The following FUT5 variants were observed in gnomAD, a reference collection of about 807,000 sequenced individuals.
The protein encoded by FUT5 is fucosyltransferase 5.
In FUT5, 1 loss-of-function variant was observed where a neutral mutation model predicts 0.8. The observed-to-expected ratio is 1.26, with a 90% CI of 0.45 to 5.99. The LOEUF (loss-of-function observed/expected upper bound fraction) is 5.99. Among genes scored for constraint, FUT5 ranks in the 30% most tolerant of loss-of-function variants. The pLI, the probability that FUT5 is intolerant of heterozygous loss-of-function variation, is 0.15. For missense variants in FUT5, 437 were observed against 517.8 expected (o/e 0.84, Z 1.51); for synonymous variants, 212 against 225.7 (o/e 0.94, Z 0.54).
In FUT5 at chr19:5,867,309, C is replaced by T. The variant is rs370088810; in HGVS notation, c.417G>A (p.Arg139=). The change falls in exon 2 of 2, where the codon AGG becomes AGA. Residue 139 remains arginine, a synonymous_variant. Coordinates refer to ENST00000588525, the MANE Select transcript of FUT5 (RefSeq NM_002034.2). This position sits in a 1 kb window ranked among gnomAD's most constrained non-coding sequence, Gnocchi z 5.0. ...ACCAGATCCAGCGCTGCCCCTGCGG[C>T]CTGGTGGGGGGCGGGAGGTTGGCAC... ...NPSANLPPPT[R]PQGQRWIWFS... 7 of 1,613,520 alleles carry T rather than the reference C, an allele frequency of 4.3e-6. No individual in the cohort carries two copies. The African/African-American group carries it at 6.7e-5, about 15-fold the overall frequency.
intron 1 of FUT5, among the ~76,000 whole-genome samples, chr19:5,870,224 C>G (rs979098208): frequency 2.0e-5 from 3 of 151,812 alleles, no homozygotes; most frequent in Non-Finnish European, 4.4e-5. Flanking sequence ...TGGCCTATTG[C>G]TGGGAAATTG....
rs2057502128 is a variant in FUT5, at chr19:5,866,157, G to C, written c.*444C>G. On this transcript the variant is annotated 3_prime_UTR_variant, in exon 2 of 2. Transcript: ENST00000588525. This position sits in a 1 kb window ranked among gnomAD's most constrained non-coding sequence, Gnocchi z 4.9. Reference sequence around the variant, plus strand: ...AGGGGACCCTGCCCTTCCCTGACCTGCCCTGCACACCTTGGGCAACACATC... The same window carrying C: ...AGGGGACCCTGCCCTTCCCTGACCTCCCCTGCACACCTTGGGCAACACATC... 3.0e-6 allele frequency: 1 copy of C among 329,706 alleles called. No homozygotes were observed. Among genetic ancestry groups the C allele is most frequent in the South Asian group, 2.8e-5 (1 of 36,248 alleles). The allele number at this position is 329,706 out of a possible 1,614,324, so 20.4% of individuals were successfully genotyped here. A position where few individuals can be genotyped will look rare whatever the true frequency, so the allele number is the denominator to read the frequency against.
chr19:5,867,279 G>A lies in FUT5; in HGVS notation c.447C>T (p.Ser149=). 1.2e-6 allele frequency: 2 copies of A among 1,613,460 alleles called. No homozygotes were observed. Among genetic ancestry groups the A allele is most frequent in the Non-Finnish European group, 1.7e-6 (2 of 1,180,028 alleles). The change falls in exon 2 of 2, where the codon AGC becomes AGT. Residue 149 remains serine, a synonymous_variant. Coordinates refer to ENST00000588525, the MANE Select transcript of FUT5 (RefSeq NM_002034.2). This position sits in a 1 kb window ranked among gnomAD's most constrained non-coding sequence, Gnocchi z 5.0. The stretch of plus-strand genomic sequence containing the variant: ...GCCGGCAGTTGCTGGGGGACTCCAT[G>A]CTGAACCAGATCCAGCGCTGCCCCT... The part of the protein sequence containing the change: ...RPQGQRWIWF[S]MESPSNCRHL...
chr19:5,866,967 C>T lies in FUT5; in HGVS notation c.759G>A (p.Arg253=). 1.2e-6 allele frequency: 2 copies of T among 1,613,570 alleles called. No homozygotes were observed. The highest frequency in any genetic ancestry group is 1.7e-6 in the Non-Finnish European group (2 of 1,179,784). The part of the protein sequence containing the change: ...PKGTMMETLS[R]YKFYLAFENS... ...TCTCGAAGGCCAGATAGAACTTGTA[C>T]CGGGACAGCGTCTCCATCATGGTCC... Residue 253 remains arginine, a synonymous_variant, in exon 2 of 2, where the codon CGG becomes CGA. Transcript: ENST00000588525. This position sits in a 1 kb window ranked among gnomAD's most constrained non-coding sequence, Gnocchi z 4.9.
rs571467519 is a variant in FUT5, at chr19:5,866,874, G to C, written c.852C>G (p.Pro284=). Residue 284 remains proline, a synonymous_variant, in exon 2 of 2, where the codon CCC becomes CCG. Coordinates refer to ENST00000588525, the MANE Select transcript of FUT5 (RefSeq NM_002034.2). The surrounding 1 kb of genome is among the most constrained non-coding windows in gnomAD (Gnocchi z 4.9). ...TGCTTCTGCTGGGGCCCAGCACCAC[G>C]GGCACGGCCCAGGCCTCCAGGGCGT... ...WRNALEAWAV[P]VVLGPSRSNY... The C allele has an allele frequency of 8.4e-5, 136 of 1,610,920 alleles. No homozygotes were observed. The African/African-American group carries it at 1.7e-3, about 20-fold the overall frequency.
intron 1 of FUT5, among the ~76,000 whole-genome samples, chr19:5,868,546 T>C (rs546345979): frequency 1.3e-5 from 2 of 152,234 alleles, no homozygotes; most frequent in South Asian, 4.1e-4. Flanking sequence ...TTAAAAAAAA[T>C]TTTATAGGCC....
Position 5,866,458 on chromosome 19 carries a change from GC to G in FUT5, c.*142del. 1 of 1,303,804 alleles carries G rather than the reference GC, an allele frequency of 7.7e-7. No homozygotes were observed. The highest frequency in any genetic ancestry group is 1.1e-6 in the Non-Finnish European group (1 of 916,662). The allele number at this position is 1,303,804 out of a possible 1,614,324, so 80.8% of individuals were successfully genotyped here. On this transcript the variant is annotated 3_prime_UTR_variant, in exon 2 of 2. Coordinates refer to ENST00000588525, the MANE Select transcript of FUT5 (RefSeq NM_002034.2). The surrounding 1 kb of genome is among the most constrained non-coding windows in gnomAD (Gnocchi z 4.9). ...GCCACCAAAGACTCCAGCAGGTGAG[GC>G]CCCAGGCAGGTGAGACCCCAGGCAG...
chr19:5,867,043 G>A lies in FUT5; in HGVS notation c.683C>T (p.Ala228Val), dbSNP rs145832499. The part of the protein sequence containing the change: ...ARVRYYQSLQ[A>V]HLKVDVYGRS... The stretch of plus-strand genomic sequence containing the variant: ...TCCGTACACGTCCACCTTGAGATGA[G>A]CCTGCAGGCTCTGGTAGTAGCGCAC... The change falls in exon 2 of 2, where the codon GCT (alanine) becomes GTT (valine). Residue 228 changes from alanine (A) to valine (V), a missense_variant. Ala to Val is a moderately conservative substitution (Grantham distance 64). Transcript: ENST00000588525. This position sits in a 1 kb window ranked among gnomAD's most constrained non-coding sequence, Gnocchi z 5.0. The A allele has an allele frequency of 8.6e-5, 138 of 1,613,602 alleles. No individual in the cohort carries two copies. In the African/African-American group the frequency reaches 1.6e-3, roughly 18 times the overall value.
rs2144919445 is a variant in FUT5, at chr19:5,866,992, C to A, written c.734G>T (p.Gly245Val). 6.2e-7 allele frequency: 1 copy of A among 1,613,682 alleles called. No homozygotes were observed. Among genetic ancestry groups the A allele is most frequent in the Non-Finnish European group, 8.5e-7 (1 of 1,179,826 alleles). The change falls in exon 2 of 2, where the codon GGG (glycine) becomes GTG (valine). Residue 245 changes from glycine (G) to valine (V), a missense_variant. Transcript: ENST00000588525. This position sits in a 1 kb window ranked among gnomAD's most constrained non-coding sequence, Gnocchi z 4.9. ...CCGGGACAGCGTCTCCATCATGGTC[C>A]CCTTGGGCAGGGGCTTGTGGGAGCG... ...YGRSHKPLPK[G>V]TMMETLSRYK...
Position 5,867,761 on chromosome 19 carries a change from G to A in FUT5, c.-12-24C>T, listed in dbSNP as rs753169825. 1.9e-6 allele frequency: 3 copies of A among 1,609,664 alleles called. No homozygotes were observed. In the African/African-American group the frequency reaches 4.0e-5, roughly 22 times the overall value. ...AGCTGGGAAGAGAGGAGAGAGGAGT[G>A]AGGGTCATTAAGGAAGATCACCCAC... On this transcript the variant is annotated intron_variant, in intron 1 of 1. Coordinates refer to ENST00000588525, the MANE Select transcript of FUT5 (RefSeq NM_002034.2). The surrounding 1 kb of genome is among the most constrained non-coding windows in gnomAD (Gnocchi z 5.0).
chr19:5,867,338 G>C lies in FUT5; in HGVS notation c.388C>G (p.Pro130Ala). The C allele has an allele frequency of 6.2e-7, 1 of 1,613,888 alleles. No individual in the cohort carries two copies. Among genetic ancestry groups the C allele is most frequent in the South Asian group, 1.1e-5 (1 of 91,082 alleles). Residue 130 changes from proline (P) to alanine (A), a missense_variant, in exon 2 of 2, where the codon CCC becomes GCC. Pro to Ala is a conservative substitution (Grantham distance 27). This residue lies in a region of FUT5 where 261 missense variants were observed against 242.6 expected (regional missense o/e 1.08). Transcript: ENST00000588525. This position sits in a 1 kb window ranked among gnomAD's most constrained non-coding sequence, Gnocchi z 5.0. The part of the protein sequence containing the change: ...IVHHWDIMYN[P>A]SANLPPPTRP... ...GTGGGGGGCGGGAGGTTGGCACTGG[G>C]GTTGTACATGATATCCCAGTGGTGC...
Position 5,866,431 on chromosome 19 carries a change from TG to T in FUT5, c.*169del. ...TGAAATCCCAGGTAAGTCACATGCC[TG>T]GCCACCAAAGACTCCAGCAGGTGAG... On this transcript the variant is annotated 3_prime_UTR_variant, in exon 2 of 2. Transcript: ENST00000588525. This position sits in a 1 kb window ranked among gnomAD's most constrained non-coding sequence, Gnocchi z 4.9. 9.2e-7 allele frequency: 1 copy of T among 1,083,040 alleles called. No homozygotes were observed. Among genetic ancestry groups the T allele is most frequent in the Non-Finnish European group, 1.4e-6 (1 of 732,410 alleles). 67.1% of individuals were successfully genotyped at this position (1,083,040 alleles called of 1,614,324 possible). A position where few individuals can be genotyped will look rare whatever the true frequency, so the allele number is the denominator to read the frequency against.
chr19:5,868,972 CA>C (rs946432704), intron 1 of FUT5, among the ~76,000 whole-genome samples: 3 of 152,016 alleles, frequency 2.0e-5, no homozygotes, highest in African/African-American at 7.2e-5. Flanking sequence ...AGGCAAGCGC[CA>C]CCATGCCCAG....
chr19:5,867,089 A>G lies in FUT5; in HGVS notation c.637T>C (p.Trp213Arg). Residue 213 changes from tryptophan to arginine, a missense_variant, in exon 2 of 2, where the codon TGG becomes CGG. Transcript: ENST00000588525. The surrounding 1 kb of genome is among the most constrained non-coding windows in gnomAD (Gnocchi z 5.0). ...TELVAWAVSNWKPDSARVRYY... is the reference protein window; with the variant it reads ...TELVAWAVSNRKPDSARVRYY... ...CGCACCCTGGCCGAGTCCGGCTTCC[A>G]GTTGGACACCGCCCAGGCCACCAGC... 4 of 1,613,312 alleles carry G rather than the reference A, an allele frequency of 2.5e-6. No individual in the cohort carries two copies. The highest frequency in any genetic ancestry group is 3.4e-6 in the Non-Finnish European group (4 of 1,179,858).
chr19:5,870,201 G>C (rs1338308847), intron 1 of FUT5, among the ~76,000 whole-genome samples: 1 of 151,184 alleles, frequency 6.6e-6, no homozygotes, highest in Non-Finnish European at 1.5e-5. Flanking sequence ...GAGTCACCGT[G>C]AGCCACTGTG....
At position 5,866,643 on chromosome 19, in the gene FUT5, A is replaced by G. The variant is rs778983; in HGVS notation, c.1083T>C (p.Ser361=). The change falls in exon 2 of 2, where the codon TCT becomes TCC. Residue 361 remains serine, a synonymous_variant. Coordinates refer to ENST00000588525, the MANE Select transcript of FUT5 (RefSeq NM_002034.2). This position sits in a 1 kb window ranked among gnomAD's most constrained non-coding sequence, Gnocchi z 4.9. ...CTATGCTGCGCACCGTCTGGTACCTAGATTCCTGCTGCAGCTTCCAGCAGG... is the reference window on the plus strand; with the variant it reads ...CTATGCTGCGCACCGTCTGGTACCTGGATTCCTGCTGCAGCTTCCAGCAGG... ...CKACWKLQQE[S]RYQTVRSIAA... is the part of the protein sequence containing the mutation. 1,288,097 of 1,612,402 alleles carry G rather than the reference A, an allele frequency of 0.8. 515,588 individuals carry two copies. Among genetic ancestry groups the G allele is most frequent in the East Asian group, 0.9 (40,346 of 44,840 alleles).
At position 5,866,508 on chromosome 19, in the gene FUT5, C is replaced by A; in HGVS notation, c.*93G>T. The A allele has an allele frequency of 6.2e-7, 1 of 1,602,832 alleles. No individual in the cohort carries two copies. Among genetic ancestry groups the A allele is most frequent in the Non-Finnish European group, 8.5e-7 (1 of 1,173,544 alleles). On this transcript the variant is annotated 3_prime_UTR_variant, in exon 2 of 2. Transcript: ENST00000588525. This position sits in a 1 kb window ranked among gnomAD's most constrained non-coding sequence, Gnocchi z 4.9. ...AGCCGAGGCCCCAGGCAGCCGAGGC[C>A]CCAGGTAGGTAAATCCCCCGACTAG...
At position 5,867,670 on chromosome 19, in the gene FUT5, C is replaced by T. The variant is rs1357247470; in HGVS notation, c.56G>A (p.Gly19Glu). 1 of 1,613,218 alleles carries T rather than the reference C, an allele frequency of 6.2e-7. No individual in the cohort carries two copies. Among genetic ancestry groups the T allele is most frequent in the Non-Finnish European group, 8.5e-7 (1 of 1,180,022 alleles). ...PQWLWRRCLA[G>E]LLFQLLVAVC... is the part of the protein sequence containing the mutation. ...AGCCACCAGCAGCTGAAACAGCAGC[C>T]CGGCCAGACAGCGGCGCCACAGCCA... The change falls in exon 2 of 2, where the codon GGG becomes GAG. Residue 19 changes from glycine (G) to glutamate (E), a missense_variant. Coordinates refer to ENST00000588525, the MANE Select transcript of FUT5 (RefSeq NM_002034.2). This position sits in a 1 kb window ranked among gnomAD's most constrained non-coding sequence, Gnocchi z 5.0.
rs2057502930 is a variant in FUT5, at chr19:5,866,417, G to T, written c.*184C>A. 4.2e-6 allele frequency: 4 copies of T among 952,276 alleles called. No individual in the cohort carries two copies. The highest frequency in any genetic ancestry group is 1.6e-5 in the African/African-American group (1 of 61,508). 59.0% of individuals were successfully genotyped at this position (952,276 alleles called of 1,614,324 possible). ...TGAAGCCCGGCAAGTGAAATCCCAG[G>T]TAAGTCACATGCCTGGCCACCAAAG... On this transcript the variant is annotated 3_prime_UTR_variant, in exon 2 of 2. Transcript: ENST00000588525. This position sits in a 1 kb window ranked among gnomAD's most constrained non-coding sequence, Gnocchi z 4.9.
Sources: allele counts gnomAD v4.1 joint callset (sites outside exome capture counted in the v4.1 genomes callset), GRCh38; gene constraint gnomAD v4.1.1; regional missense constraint gnomAD v4.1.1; non-coding constraint Gnocchi (gnomAD v3.1); transcripts MANE v1.5; gene names NCBI Gene and HGNC (gene_info 2026-07-23, HGNC 2026-07-21).